Variants in ZNF16 observed in about 807,000 individuals in gnomAD.
The protein encoded by ZNF16 is zinc finger protein 16, also known as zinc finger protein KOX9.
A neutral mutation model predicts 9.0 loss-of-function variants in ZNF16; 7 were observed. The observed-to-expected ratio is 0.78, with a 90% confidence interval of 0.44 to 1.47. The LOEUF (loss-of-function observed/expected upper bound fraction) is 1.47, where lower values mean the gene tolerates loss of function less well. Among genes scored for constraint, ZNF16 ranks in the 40% most tolerant of loss-of-function variants. The pLI is 0.01. For synonymous variants in ZNF16, 312 were observed against 301.5 expected, an observed-to-expected ratio of 1.03 and a Z score of -0.36; for missense variants, 830 against 854.2, an observed-to-expected ratio of 0.97 and a Z score of 0.35.
intron 2 of ZNF16, among the ~76,000 whole-genome samples, chr8:144,935,891 T>A (rs1257929839): frequency 6.6e-6 from 1 of 152,198 alleles, no homozygotes; most frequent in African/African-American, 2.4e-5. Context: ...TACTTCTTCA[T>A]CTCCTACAGC....
chr8:144,946,597 ATCCTGCTGTTGGGCTTGTGTC>A lies in ZNF16; in HGVS notation c.-9-403_-9-383del, dbSNP rs1563925687. ...GGCCTGTGTCCTGCTGTGGGTCTGT[ATCCTGCTGTTGGGCTTGTGTC>A]CTGCTGTTGGGCCTGTGTCCTGCTG... On this transcript the variant is annotated intron_variant, in intron 1 of 2. Coordinates refer to ENST00000394909, the MANE Select transcript of ZNF16 (RefSeq NM_006958.3). Among the ~76,000 whole-genome samples the A allele has an allele frequency of 3.3e-4, 27 of 81,654 alleles. 3 individuals carry two copies. The highest frequency in any genetic ancestry group is 1.3e-3 in the African/African-American group (25 of 19,928). 53.6% of individuals were successfully genotyped at this position (81,654 alleles called of 152,430 possible). A position where few individuals can be genotyped will look rare whatever the true frequency, so the allele number is the denominator to read the frequency against.
chr8:144,950,582 C>G (rs905982919), intron 1 of ZNF16: 1 of 152,028 alleles, frequency 6.6e-6, no homozygotes, highest in Non-Finnish European at 1.5e-5. Flanking sequence ...CCGGAGGCAG[C>G]CCCCAGAGGC....
chr8:144,946,286 C>T lies in ZNF16; in HGVS notation c.-9-71G>A, dbSNP rs563753298. The T allele has an allele frequency of 4.1e-5, 56 of 1,356,134 alleles. No homozygotes were observed. In the South Asian group the frequency reaches 5.8e-4, roughly 14 times the overall value. The allele number at this position is 1,356,134 out of a possible 1,614,324, so 84.0% of individuals were successfully genotyped here. A position where few individuals can be genotyped will look rare whatever the true frequency, so the allele number is the denominator to read the frequency against. ...CTAGGGATTCATCCTCCCATCAGGC[C>T]GGGGTCTCTTCCTCCACCCCTGCAG... On this transcript the variant is annotated intron_variant, in intron 1 of 2. Coordinates refer to ENST00000394909, the MANE Select transcript of ZNF16 (RefSeq NM_006958.3).
intron 2 of ZNF16, among the ~76,000 whole-genome samples, chr8:144,941,475 C>T (rs1833795377): frequency 6.6e-6 from 1 of 152,158 alleles, no homozygotes; most frequent in Admixed American, 6.5e-5. Flanking sequence ...TGTTTTCTTA[C>T]ACATTCTGTC....
rs758726170 is a variant in ZNF16, at chr8:144,931,811, A to G, written c.976T>C (p.Cys326Arg). 5 of 1,614,076 alleles carry G rather than the reference A, an allele frequency of 3.1e-6. No homozygotes were observed. Among genetic ancestry groups the G allele is most frequent in the African/African-American group, 1.3e-5 (1 of 74,940 alleles). Reference protein sequence around the residue: ...MSEKPYECNECGKAFRRSSNL... With the variant: ...MSEKPYECNERGKAFRRSSNL... ...GAGCTCCGCCTAAAAGCCTTCCCAC[A>G]TTCATTGCATTCATAGGGCTTCTCA... Residue 326 changes from cysteine to arginine, a missense_variant, in exon 3 of 3, where the codon TGT becomes CGT. Coordinates refer to ENST00000394909, the MANE Select transcript of ZNF16 (RefSeq NM_006958.3).
In ZNF16 at chr8:144,932,194, C is replaced by A; in HGVS notation, c.593G>T (p.Gly198Val). Residue 198 changes from glycine (G) to valine (V), a missense_variant, in exon 3 of 3, where the codon GGT becomes GTT. Physicochemically the swap from Gly to Val is moderately radical, Grantham distance 109. Coordinates refer to ENST00000394909, the MANE Select transcript of ZNF16 (RefSeq NM_006958.3). The surrounding 1 kb of genome is among the most constrained non-coding windows in gnomAD (Gnocchi z 5.0). ...TTCAGCTGTGGGAACCCCCTCATGACCAGTTAGGTCCACACTGTGCTGGAA... is the reference window on the plus strand; with the variant it reads ...TTCAGCTGTGGGAACCCCCTCATGAACAGTTAGGTCCACACTGTGCTGGAA... Reference protein sequence around the residue: ...QSFQHSVDLTGHEGVPTAESP... With the variant: ...QSFQHSVDLTVHEGVPTAESP... The A allele has an allele frequency of 6.2e-7, 1 of 1,614,198 alleles. No individual in the cohort carries two copies. The highest frequency in any genetic ancestry group is 1.3e-5 in the African/African-American group (1 of 75,046).
intron 1 of ZNF16, among the ~76,000 whole-genome samples, chr8:144,946,617 T>C (rs1490800904): frequency 6.1e-4 from 68 of 111,922 alleles, no homozygotes; most frequent in African/African-American, 2.5e-3. Flanking sequence ...TGGGCTTGTG[T>C]CCTGCTGTTG....
rs558779243 is a variant in ZNF16, at chr8:144,946,754, G to A, written c.-9-539C>T. Among the ~76,000 whole-genome samples, 476 of 115,096 alleles carry A rather than the reference G, an allele frequency of 4.1e-3. 15 individuals are homozygous for A. The highest frequency in any genetic ancestry group is 0.015 in the Middle Eastern group (3 of 196). The allele number at this position is 115,096 out of a possible 152,430, so 75.5% of individuals were successfully genotyped here. ...CTGCTGTGGGCCATACCCTTCTGTG[G>A]GCCTGTACCCTGCTGTGGGCCTGTG... On this transcript the variant is annotated intron_variant, in intron 1 of 2. Coordinates refer to ENST00000394909, the MANE Select transcript of ZNF16 (RefSeq NM_006958.3).
chr8:144,935,904 G>A (rs1209238095), intron 2 of ZNF16, among the ~76,000 whole-genome samples: 1 of 152,190 alleles, frequency 6.6e-6, no homozygotes, highest in African/African-American at 2.4e-5. Flanking sequence ...CCTACAGCAA[G>A]TTGTTTTCAT....
At position 144,930,861 on chromosome 8, in the gene ZNF16, C is replaced by T. The variant is rs3735789; in HGVS notation, c.1926G>A (p.Ser642=). 37 of 1,604,542 alleles carry T rather than the reference C, an allele frequency of 2.3e-5. No individual in the cohort carries two copies. Among genetic ancestry groups the T allele is most frequent in the East Asian group, 1.1e-4 (5 of 44,826 alleles). ...GAATCCTCTGGTGCTGGATGAGGACCGAACGCTGACTGAAGGCTTTCCCAC... is the reference window on the plus strand; with the variant it reads ...GAATCCTCTGGTGCTGGATGAGGACTGAACGCTGACTGAAGGCTTTCCCAC... The part of the protein sequence containing the change: ...SECGKAFSQR[S]VLIQHQRIHT... The change falls in exon 3 of 3, where the codon TCG becomes TCA. Residue 642 remains serine, a synonymous_variant. Coordinates refer to ENST00000394909, the MANE Select transcript of ZNF16 (RefSeq NM_006958.3).
intron 1 of ZNF16, among the ~76,000 whole-genome samples, chr8:144,949,652 T>G (rs1344462243): frequency 2.0e-5 from 3 of 152,242 alleles, no homozygotes; most frequent in Admixed American, 2.0e-4. Context: ...TCTAGGGCTG[T>G]GCAGGATGTG....
At chr8:144,949,062 C>T (rs765420071) in intron 1 of ZNF16, among the ~76,000 whole-genome samples, 60 of 152,380 alleles carry the variant, frequency 3.9e-4, no homozygotes, top group African/African-American at 1.3e-3. Flanking sequence ...AAAACAGATT[C>T]GGCCAACAGC....
chr8:144,945,696 AG>A, intron 2 of ZNF16: 2 of 273,100 alleles, frequency 7.3e-6, no homozygotes, highest in South Asian at 1.6e-4. Context: ...TAGAGTCCTG[AG>A]GGGAGAGGGC....
chr8:144,940,336 C>T (rs1452339365), intron 2 of ZNF16, among the ~76,000 whole-genome samples: 5 of 152,212 alleles, frequency 3.3e-5, no homozygotes, highest in South Asian at 2.1e-4. Flanking sequence ...CCACCTCAGC[C>T]TCCCAATCAC....
chr8:144,941,306 A>C (rs1477732905), intron 2 of ZNF16, among the ~76,000 whole-genome samples: 2 of 151,976 alleles, frequency 1.3e-5, no homozygotes, highest in Non-Finnish European at 2.9e-5. Flanking sequence ...CCCTTTTATA[A>C]ATACATACTG....
Position 144,931,122 on chromosome 8 carries a change from G to C in ZNF16, c.1665C>G (p.Ser555Arg). The C allele has an allele frequency of 6.2e-7, 1 of 1,614,252 alleles. No individual in the cohort carries two copies. Among genetic ancestry groups the C allele is most frequent in the Non-Finnish European group, 8.5e-7 (1 of 1,180,046 alleles). Residue 555 changes from serine (S) to arginine (R), a missense_variant, in exon 3 of 3, where the codon AGC (serine) becomes AGG (arginine). Coordinates refer to ENST00000394909, the MANE Select transcript of ZNF16 (RefSeq NM_006958.3). ...YECTECGKTF[S>R]QSSTLIQHQR... ...GATGCTGAATGAGGGTTGAGCTCTGGCTGAAGGTTTTTCCACATTCAGTAC... is the reference window on the plus strand; with the variant it reads ...GATGCTGAATGAGGGTTGAGCTCTGCCTGAAGGTTTTTCCACATTCAGTAC...
At chr8:144,946,597 AT>A (rs1833943083) in intron 1 of ZNF16, among the ~76,000 whole-genome samples, 15 of 81,646 alleles carry the variant, frequency 1.8e-4, no homozygotes, top group African/African-American at 7.0e-4. Flanking sequence ...GTGGGTCTGT[AT>A]CCTGCTGTTG....
In ZNF16 at chr8:144,931,135, C is replaced by T; in HGVS notation, c.1652G>A (p.Gly551Glu). The change falls in exon 3 of 3, where the codon GGA becomes GAA. Residue 551 changes from glycine (G) to glutamate (E), a missense_variant. Coordinates refer to ENST00000394909, the MANE Select transcript of ZNF16 (RefSeq NM_006958.3). ...GEKPYECTEC[G>E]KTFSQSSTLI... The stretch of plus-strand genomic sequence containing the variant: ...GGTTGAGCTCTGGCTGAAGGTTTTT[C>T]CACATTCAGTACATTCATAGGGCTT... 6.2e-7 allele frequency: 1 copy of T among 1,614,240 alleles called. No individual in the cohort carries two copies. The highest frequency in any genetic ancestry group is 8.5e-7 in the Non-Finnish European group (1 of 1,180,038).
In ZNF16 at chr8:144,930,933, C is replaced by G; in HGVS notation, c.1854G>C (p.Gln618His). 1 of 1,613,066 alleles carries G rather than the reference C, an allele frequency of 6.2e-7. No homozygotes were observed. The highest frequency in any genetic ancestry group is 8.5e-7 in the Non-Finnish European group (1 of 1,179,508). Residue 618 changes from glutamine (Q) to histidine (H), a missense_variant, in exon 3 of 3, where the codon CAG becomes CAC. Gln to His is a conservative substitution (Grantham distance 24, BLOSUM62 0). Transcript: ENST00000394909. ...GCTCGCCCGTGTGGATTATCTGATG[C>G]TGAATGAGGTGTGAGCTCTGGCTGA... ...KGFSQSSHLI[Q>H]HQIIHTGERP...
Sources: allele counts gnomAD v4.1 joint callset (sites outside exome capture counted in the v4.1 genomes callset), GRCh38; gene constraint gnomAD v4.1.1; non-coding constraint Gnocchi (gnomAD v3.1); transcripts MANE v1.5; gene names NCBI Gene and HGNC (gene_info 2026-07-23, HGNC 2026-07-21).